The following SLIT2 variants were observed in gnomAD, a reference collection of about 807,000 sequenced individuals.
SLIT2 encodes slit homolog 2 protein.
SLIT2 carries 41 observed loss-of-function variants against 185.7 expected under a neutral mutation model. That is an observed-to-expected ratio of 0.22 (90% confidence interval 0.17 to 0.29). The LOEUF is 0.29. Among genes scored for constraint, SLIT2 ranks in the 10% least tolerant of loss-of-function variants. SLIT2 has a pLI of 1.00. For synonymous variants in SLIT2, 693 were observed against 680.2 expected, an observed-to-expected ratio of 1.02 and a Z score of -0.29; for missense variants, 1,571 against 1,909.0, an observed-to-expected ratio of 0.82 and a Z score of 3.30.
Position 20,617,133 on chromosome 4 carries a change from G to A in SLIT2, c.4071G>A (p.Glu1357=), listed in dbSNP as rs1046688. The A allele has an allele frequency of 1.2e-6, 2 of 1,609,774 alleles. No homozygotes were observed. The highest frequency in any genetic ancestry group is 1.7e-6 in the Non-Finnish European group (2 of 1,176,418). Residue 1357 remains glutamate, a synonymous_variant, in exon 35 of 37, where the codon GAG becomes GAA. Coordinates refer to ENST00000504154, the MANE Select transcript of SLIT2 (RefSeq NM_004787.4). ...GCAGCCAGGCAGGCTTCACCTGCGA[G>A]TGCCAGGAAGGATGGATGGGGCCCC... The part of the protein sequence containing the change: ...QPSSQAGFTC[E]CQEGWMGPLC...
In SLIT2 at chr4:20,617,666, T is replaced by G. The variant is rs184560716; in HGVS notation, c.4348+16T>G. On this transcript the variant is annotated intron_variant, in intron 36 of 36. Transcript: ENST00000504154. Reference sequence around the variant, plus strand: ...TGTGATCGAGGTAAGCCAGCCCCACTGGGCACCTCATTCTCTTGGCAAAGC... The same window carrying G: ...TGTGATCGAGGTAAGCCAGCCCCACGGGGCACCTCATTCTCTTGGCAAAGC... The G allele has an allele frequency of 6.0e-5, 96 of 1,587,848 alleles. 1 individual carries two copies. The African/African-American group carries it at 1.1e-3, about 18-fold the overall frequency.
At chr4:20,361,280 T>C (rs984429081) in intron 4 of SLIT2, among the ~76,000 whole-genome samples, 2 of 152,010 alleles carry the variant, frequency 1.3e-5, no homozygotes, top group Non-Finnish European at 2.9e-5. Context: ...AGCTTTTCCC[T>C]CCTTCTCTTG....
At chr4:20,437,727 A>C (rs1030760360) in intron 4 of SLIT2, among the ~76,000 whole-genome samples, 7 of 151,976 alleles carry the variant, frequency 4.6e-5, no homozygotes, top group African/African-American at 1.5e-4. Flanking sequence ...CCTGGCTAAC[A>C]TGGTGAAACC....
At position 20,253,482 on chromosome 4, in the gene SLIT2, C is replaced by A. The variant is rs1722198807; in HGVS notation, c.-334C>A. 1 of 337,154 alleles carries A rather than the reference C, an allele frequency of 3.0e-6. No individual in the cohort carries two copies. Among genetic ancestry groups the A allele is most frequent in the Non-Finnish European group, 5.5e-6 (1 of 183,100 alleles). 20.9% of individuals were successfully genotyped at this position (337,154 alleles called of 1,614,324 possible). ...GCCGTTGGAAGCCCCAGCTCTTTTACCGCCAAGTTCATCCTTGGGAGACAG... is the reference window on the plus strand; with the variant it reads ...GCCGTTGGAAGCCCCAGCTCTTTTAACGCCAAGTTCATCCTTGGGAGACAG... On this transcript the variant is annotated 5_prime_UTR_variant, in exon 1 of 37. Transcript: ENST00000504154.
intron 4 of SLIT2, among the ~76,000 whole-genome samples, chr4:20,461,128 G>T (rs1368995355): frequency 6.6e-6 from 1 of 152,196 alleles, no homozygotes; most frequent in Non-Finnish European, 1.5e-5. Context: ...CAGCTGAGGA[G>T]TTGGTCTGCG....
intron 4 of SLIT2, among the ~76,000 whole-genome samples, chr4:20,344,791 A>G (rs1026423113): frequency 4.6e-5 from 7 of 152,164 alleles, no homozygotes; most frequent in African/African-American, 1.2e-4. Context: ...AAGAGATACT[A>G]CTGATAACCC....
chr4:20,257,501 T>C (rs1220862900), intron 2 of SLIT2, among the ~76,000 whole-genome samples: 1 of 152,044 alleles, frequency 6.6e-6, no homozygotes, highest in African/African-American at 2.4e-5. Flanking sequence ...AATTGAAGTA[T>C]GTATATGATG....
chr4:20,255,485 C>G (rs908680462), intron 1 of SLIT2, among the ~76,000 whole-genome samples: 1 of 152,070 alleles, frequency 6.6e-6, no homozygotes. Context: ...CGTGTTATAT[C>G]GAATAGCCCA....
intron 4 of SLIT2, among the ~76,000 whole-genome samples, chr4:20,405,391 G>A (rs1726698029): frequency 1.3e-5 from 2 of 151,782 alleles, no homozygotes; most frequent in African/African-American, 4.8e-5. Flanking sequence ...TGAAATCTAG[G>A]AAAAAAGGTG....
At chr4:20,442,999 G>A (rs2148703401) in intron 4 of SLIT2, among the ~76,000 whole-genome samples, 1 of 152,182 alleles carries the variant, frequency 6.6e-6, no homozygotes, top group African/African-American at 2.4e-5. Flanking sequence ...AAAGTGACGA[G>A]AATAAGTCAC....
intron 7 of SLIT2, 84 bp from the exon 8 acceptor site, chr4:20,488,735 T>G: frequency 1.0e-6 from 1 of 964,456 alleles, no homozygotes; most frequent in Non-Finnish European, 1.5e-6. Context: ...CTTTATCTAC[T>G]TCTATGTTAA....
chr4:20,584,681 A>G (rs1214232571), intron 29 of SLIT2, among the ~76,000 whole-genome samples: 2 of 152,200 alleles, frequency 1.3e-5, no homozygotes, highest in Admixed American at 1.3e-4. Flanking sequence ...CTCTTTCACA[A>G]GTTGTAATAG....
At position 20,251,936 on chromosome 4, in the gene SLIT2, A is replaced by T. The variant is rs575373173; in HGVS notation, c.-1880A>T. Among the ~76,000 whole-genome samples, 87 of 152,136 alleles carry T rather than the reference A, an allele frequency of 5.7e-4. No individual in the cohort carries two copies. Among genetic ancestry groups the T allele is most frequent in the African/African-American group, 2.0e-3 (84 of 41,522 alleles). On this transcript the variant is annotated 5_prime_UTR_variant, in exon 1 of 37. Transcript: ENST00000504154. ...TGTTATTTATTTGGGAAGCGCCCGG[A>T]CGGCGGAGCTTGGCGGCGGCGGTGG...
intron 9 of SLIT2, among the ~76,000 whole-genome samples, chr4:20,502,536 AAAAC>A (rs1718835373): frequency 6.6e-6 from 1 of 152,178 alleles, no homozygotes; most frequent in South Asian, 2.1e-4. Context: ...GTGTGCACAA[AAAAC>A]AAAGAGAGAG....
chr4:20,518,876 G>T (rs1053939464), intron 11 of SLIT2, among the ~76,000 whole-genome samples: 1 of 151,512 alleles, frequency 6.6e-6, no homozygotes, highest in African/African-American at 2.4e-5. Flanking sequence ...AAAGTGCTGG[G>T]ATTACAGGCG....
chr4:20,610,218 A>G (rs1729107966), intron 34 of SLIT2, 51 bp downstream of exon 34: 3 of 1,537,118 alleles, frequency 2.0e-6, no homozygotes, highest in African/African-American at 2.8e-5. Context: ...GATTCTCATT[A>G]TGGACGAATT....
chr4:20,537,315 C>T (rs946343266), intron 18 of SLIT2, among the ~76,000 whole-genome samples: 5 of 152,008 alleles, frequency 3.3e-5, no homozygotes, highest in Non-Finnish European at 7.4e-5. Flanking sequence ...CATGACATCT[C>T]GAGGCAATAG....
intron 4 of SLIT2, among the ~76,000 whole-genome samples, chr4:20,383,995 C>A (rs1724741291): frequency 6.6e-6 from 1 of 152,118 alleles, no homozygotes; most frequent in Non-Finnish European, 1.5e-5. Flanking sequence ...CATGATCCAT[C>A]ACACCCAGCC....
At chr4:20,314,419 T>G (rs1333391826) in intron 4 of SLIT2, among the ~76,000 whole-genome samples, 1 of 152,188 alleles carries the variant, frequency 6.6e-6, no homozygotes, top group Non-Finnish European at 1.5e-5. Context: ...ATTGAGTAAA[T>G]GTATCTGTAG....
Sources: gnomAD v4.1 joint callset for allele counts (sites outside exome capture counted in the v4.1 genomes callset) on GRCh38, gnomAD v4.1.1 for gene constraint, MANE v1.5 for transcripts, NCBI Gene and HGNC (gene_info 2026-07-23, HGNC 2026-07-21) for gene names.